ETS1: variants seen among roughly 807,000 people sequenced by gnomAD.
ETS1 encodes ETS proto-oncogene 1, transcription factor, also known as protein C-ets-1.
In ETS1, 15 loss-of-function variants were observed where a neutral mutation model predicts 58.6. That is an observed-to-expected ratio of 0.26 (90% CI 0.17 to 0.39). The LOEUF (loss-of-function observed/expected upper bound fraction) is 0.39, where lower values mean the gene tolerates loss of function less well. Among genes scored for constraint, ETS1 ranks in the 10% least tolerant of loss-of-function variants. ETS1 has a pLI of 1.00. For missense variants in ETS1, 417 were observed against 610.5 expected, an observed-to-expected ratio of 0.68 and a Z score of 3.34; for synonymous variants, 214 against 218.2, an observed-to-expected ratio of 0.98 and a Z score of 0.17.
intron 3 of ETS1, among the ~76,000 whole-genome samples, chr11:128,538,483 T>C (rs1456614443): frequency 6.6e-6 from 1 of 152,200 alleles, no homozygotes; most frequent in African/African-American, 2.4e-5. Context: ...CAGTGTTTCA[T>C]ACCAGGCTAC....
intron 1 of ETS1, among the ~76,000 whole-genome samples, chr11:128,576,852 A>G (rs1176033126): frequency 2.0e-5 from 3 of 152,136 alleles, no homozygotes; most frequent in Non-Finnish European, 4.4e-5. Context: ...AAGATGAGTG[A>G]ACCCTGCCTC....
chr11:128,490,665 G>T, intron 3 of ETS1, 89 bp from the exon 4 acceptor site: 1 of 1,011,954 alleles, frequency 9.9e-7, no homozygotes, highest in Non-Finnish European at 1.5e-6. Context: ...AAGAAGGCAA[G>T]CTGAGAAACA....
chr11:128,556,777 T>C (rs1864319611), intron 2 of ETS1, among the ~76,000 whole-genome samples: 1 of 152,176 alleles, frequency 6.6e-6, no homozygotes, highest in Non-Finnish European at 1.5e-5. Context: ...TTTTTAATGG[T>C]ACCTTACTCT....
chr11:128,515,059 ATTTTTGCTTTTG>A (rs1279884695), intron 3 of ETS1, among the ~76,000 whole-genome samples: 1 of 151,550 alleles, frequency 6.6e-6, no homozygotes, highest in Non-Finnish European at 1.5e-5. Flanking sequence ...CTTGTTTTTT[ATTTTTGCTTTTG>A]TTTTTGCCCA....
At chr11:128,493,638 T>C (rs1042043819) in intron 3 of ETS1, among the ~76,000 whole-genome samples, 1 of 152,242 alleles carries the variant, frequency 6.6e-6, no homozygotes, top group Non-Finnish European at 1.5e-5. Flanking sequence ...CAGCATTGTC[T>C]TTGGAGCCAA....
At chr11:128,518,787 T>C (rs540121295) in intron 3 of ETS1, among the ~76,000 whole-genome samples, 4 of 152,240 alleles carry the variant, frequency 2.6e-5, no homozygotes, top group Non-Finnish European at 5.9e-5. Context: ...CAAAGCTTCT[T>C]CCTATCTCTA....
chr11:128,465,428 T>C (rs972206037), intron 8 of ETS1, among the ~76,000 whole-genome samples: 5 of 152,230 alleles, frequency 3.3e-5, no homozygotes, highest in African/African-American at 1.2e-4. Flanking sequence ...TTTGCAGGTT[T>C]CTTGGGAGTT....
intron 8 of ETS1, among the ~76,000 whole-genome samples, chr11:128,472,904 T>G (rs1862225062): frequency 6.6e-6 from 1 of 152,190 alleles, no homozygotes; most frequent in African/African-American, 2.4e-5. Flanking sequence ...AATCATGTCT[T>G]GGCACCTGCT....
chr11:128,484,908 C>A lies in ETS1; in HGVS notation c.777G>T (p.Gln259His). 1 of 1,614,042 alleles carries A rather than the reference C, an allele frequency of 6.2e-7. No individual in the cohort carries two copies. The highest frequency in any genetic ancestry group is 8.5e-7 in the Non-Finnish European group (1 of 1,179,978). ...AGTAGTCATTCTGCAAGGTGTCTGTCTGGAGAGGGTCTCGGAGAATGACCG... is the reference window on the plus strand; with the variant it reads ...AGTAGTCATTCTGCAAGGTGTCTGTATGGAGAGGGTCTCGGAGAATGACCG... ...YPSVILRDPLQTDTLQNDYFA... is the reference protein window; with the variant it reads ...YPSVILRDPLHTDTLQNDYFA... Residue 259 changes from glutamine to histidine, a missense_variant, in exon 7 of 10, where the codon CAG becomes CAT. Physicochemically the swap from Gln to His is conservative, Grantham distance 24 (BLOSUM62 0). Around this residue, in one of 4 missense-constraint regions of ETS1, gnomAD observed 139 missense variants for 152.1 expected, o/e 0.91. Transcript: ENST00000392668.
At chr11:128,569,318 C>CTTTTTTTTTGTTTTTTTTTTTT (rs1864575712) in intron 2 of ETS1, among the ~76,000 whole-genome samples, 1 of 39,462 alleles carries the variant, frequency 2.5e-5, no homozygotes, top group Non-Finnish European at 4.5e-5. Flanking sequence ...AGAGTTTCTT[C>CTTTTTTTTTGTTTTTTTTTTTT]TTTTTTTTTT....
At chr11:128,522,492 G>A (rs970843382) in intron 3 of ETS1, 8 of 340,368 alleles carry the variant, frequency 2.4e-5, no homozygotes, top group Non-Finnish European at 2.9e-5. Flanking sequence ...GAGCACCGCG[G>A]CCAATCTCCG....
chr11:128,585,063 A>G lies in ETS1; in HGVS notation c.-15+2425T>C, dbSNP rs1455170398. On this transcript the variant is annotated intron_variant, in intron 1 of 9. Transcript: ENST00000392668. ...AAGAAAGAAAGAAAGAAAGAAAGAA[A>G]GAAAGAAAGAAAGAGAAAGAAAGAA... Among the ~76,000 whole-genome samples, 24 of 25,854 alleles carry G rather than the reference A, an allele frequency of 9.3e-4. 2 individuals are homozygous for G. The highest frequency in any genetic ancestry group is 7.9e-3 in the Middle Eastern group (1 of 126). The allele number at this position is 25,854 out of a possible 152,430, so 17.0% of individuals were successfully genotyped here.
At chr11:128,478,870 A>G (rs1216130937) in intron 8 of ETS1, among the ~76,000 whole-genome samples, 1 of 152,180 alleles carries the variant, frequency 6.6e-6, no homozygotes, top group East Asian at 1.9e-4. Flanking sequence ...TCCCTTGAAA[A>G]GTACTAAGTT....
intron 3 of ETS1, among the ~76,000 whole-genome samples, chr11:128,538,537 C>T (rs1351375155): frequency 6.6e-6 from 1 of 152,184 alleles, no homozygotes; most frequent in African/African-American, 2.4e-5. Context: ...CTGTCACTCA[C>T]AAAGAGTGTA....
chr11:128,571,501 CAAAAAAAAAAAAAAAAAAAAAA>C (rs563312769), intron 2 of ETS1, among the ~76,000 whole-genome samples: 22 of 32,894 alleles, frequency 6.7e-4, no homozygotes, highest in Non-Finnish European at 8.2e-4. Context: ...AAGACTCCGT[CAAAAAAAAAAAAAAAAAAAAAA>C]AAAAAAAAAA....
intron 3 of ETS1, among the ~76,000 whole-genome samples, chr11:128,548,182 G>T (rs1441132574): frequency 6.6e-6 from 1 of 150,504 alleles, no homozygotes; most frequent in Non-Finnish European, 1.5e-5. Flanking sequence ...GAGAGAAAAA[G>T]AAGTGGGGGA....
intron 3 of ETS1, among the ~76,000 whole-genome samples, chr11:128,499,061 C>T (rs1052864867): frequency 6.6e-6 from 1 of 152,192 alleles, no homozygotes; most frequent in Admixed American, 6.5e-5. Context: ...TTGGTTCTTC[C>T]CACATCTTAC....
At chr11:128,543,632 G>A (rs948340443) in intron 3 of ETS1, among the ~76,000 whole-genome samples, 4 of 152,044 alleles carry the variant, frequency 2.6e-5, no homozygotes, top group African/African-American at 9.7e-5. Context: ...CACACTCAAC[G>A]TCTCTCCTTT....
chr11:128,482,420 A>G (rs559568429), intron 7 of ETS1, among the ~76,000 whole-genome samples: 1 of 152,366 alleles, frequency 6.6e-6, no homozygotes, highest in Non-Finnish European at 1.5e-5. Flanking sequence ...TATTTATGCT[A>G]AAGTCTCTCT....
Sources: allele counts gnomAD v4.1 joint callset (sites outside exome capture counted in the v4.1 genomes callset), GRCh38; gene constraint gnomAD v4.1.1; regional missense constraint gnomAD v4.1.1; transcripts MANE v1.5; gene names NCBI Gene and HGNC (gene_info 2026-07-23, HGNC 2026-07-21).